The following EPHA5 variants were observed in gnomAD, a reference collection of about 807,000 sequenced individuals.
EPHA5 encodes the protein EPH receptor A5.
Under a neutral mutation model 105.0 loss-of-function variants are expected in EPHA5, and 60 were observed. The ratio of observed to expected loss-of-function variants is 0.57; its 90% CI spans 0.46 to 0.71. The LOEUF is 0.71. EPHA5 is among the 30% of genes least tolerant of loss of function. The probability of loss-of-function intolerance (pLI) is 0.00; values close to 1 mark genes in which losing one functional copy is unlikely to be tolerated. For synonymous variants in EPHA5, 513 were observed against 449.1 expected, an observed-to-expected ratio of 1.14 and a Z score of -1.80; for missense variants, 1,218 against 1,274.7, an observed-to-expected ratio of 0.96 and a Z score of 0.68.
intron 5 of EPHA5, among the ~76,000 whole-genome samples, chr4:65,465,431 C>T (rs78363454): frequency 0.21 from 18,235 of 85,694 alleles, 1,953 homozygotes; most frequent in East Asian, 0.49. Context: ...ATCCCCCCAC[C>T]CCTCTAAAGA....
At chr4:65,623,170 C>A (rs75220551) in intron 2 of EPHA5, among the ~76,000 whole-genome samples, 3,061 of 152,026 alleles carry the variant, frequency 0.02, 47 homozygotes, top group Non-Finnish European at 0.032. Flanking sequence ...TGGGTTAGTA[C>A]ACTATAAATC....
chr4:65,547,646 T>G (rs1737511788), intron 3 of EPHA5, among the ~76,000 whole-genome samples: 1 of 152,088 alleles, frequency 6.6e-6, no homozygotes, highest in Admixed American at 6.6e-5. Context: ...AAAACCAGGT[T>G]GAAACATTTA....
chr4:65,501,893 AG>A (rs1471645478), intron 3 of EPHA5, among the ~76,000 whole-genome samples: 1 of 151,818 alleles, frequency 6.6e-6, no homozygotes, highest in East Asian at 1.9e-4. Context: ...CGGTACTGGT[AG>A]AAAAACAGAC....
At chr4:65,664,453 C>G (rs1168779630) in intron 1 of EPHA5, among the ~76,000 whole-genome samples, 2 of 151,852 alleles carry the variant, frequency 1.3e-5, no homozygotes, top group Non-Finnish European at 3.0e-5. Context: ...TCTGTGTTTA[C>G]AAAGCCTTCA....
At chr4:65,545,457 C>T (rs915017879) in intron 3 of EPHA5, among the ~76,000 whole-genome samples, 2 of 151,804 alleles carry the variant, frequency 1.3e-5, no homozygotes, top group East Asian at 1.9e-4. Flanking sequence ...ACTTGTGATG[C>T]CAAGTTTTGA....
chr4:65,641,640 A>G (rs1484602370), intron 2 of EPHA5, among the ~76,000 whole-genome samples: 2 of 152,128 alleles, frequency 1.3e-5, no homozygotes, highest in African/African-American at 4.8e-5. Flanking sequence ...AATACAAAAC[A>G]TAACACCTGA....
intron 1 of EPHA5, among the ~76,000 whole-genome samples, chr4:65,658,964 A>G (rs1749304452): frequency 6.6e-6 from 1 of 152,094 alleles, no homozygotes. Flanking sequence ...TATATGCTAC[A>G]AAATATTGAT....
chr4:65,506,693 T>A (rs1161181596), intron 3 of EPHA5, among the ~76,000 whole-genome samples: 1 of 150,910 alleles, frequency 6.6e-6, no homozygotes, highest in African/African-American at 2.4e-5. Context: ...TCTGTTCATA[T>A]CCTTCGCCCG....
chr4:65,331,172 A>G (rs1720577856), intron 16 of EPHA5: 1 of 1,029,232 alleles, frequency 9.7e-7, no homozygotes, highest in Admixed American at 5.6e-5. Context: ...GTAAGTTATC[A>G]TTATATTCAC....
At chr4:65,541,911 C>T (rs949179581) in intron 3 of EPHA5, among the ~76,000 whole-genome samples, 5 of 151,856 alleles carry the variant, frequency 3.3e-5, no homozygotes, top group African/African-American at 7.2e-5. Flanking sequence ...ACAATGCAAT[C>T]GAATTAGAGT....
intron 2 of EPHA5, among the ~76,000 whole-genome samples, chr4:65,619,834 A>G (rs971971047): frequency 3.3e-5 from 5 of 151,940 alleles, no homozygotes; most frequent in South Asian, 2.1e-4. Flanking sequence ...GAATTTTTAC[A>G]TGTAAAATCT....
At chr4:65,573,426 A>AT in intron 3 of EPHA5, 4 of 964,664 alleles carry the variant, frequency 4.1e-6, no homozygotes, top group African/African-American at 1.8e-5. Context: ...AAAAAAAAAA[A>AT]AAAAAAAAAG....
intron 2 of EPHA5, among the ~76,000 whole-genome samples, chr4:65,611,148 T>G (rs1382010478): frequency 6.6e-6 from 1 of 152,156 alleles, no homozygotes; most frequent in African/African-American, 2.4e-5. Flanking sequence ...AACACATATA[T>G]GCACACATGG....
At chr4:65,348,659 G>GGTATATATATATAT (rs1311162748) in intron 13 of EPHA5, among the ~76,000 whole-genome samples, 2 of 60,228 alleles carry the variant, frequency 3.3e-5, no homozygotes, top group Non-Finnish European at 6.6e-5. Flanking sequence ...AAACATTGGA[G>GGTATATATATATAT]ATATATATAT....
intron 3 of EPHA5, among the ~76,000 whole-genome samples, chr4:65,590,737 C>T (rs974272968): frequency 1.3e-5 from 2 of 152,120 alleles, no homozygotes; most frequent in African/African-American, 2.4e-5. Flanking sequence ...GTAGATTCCT[C>T]AAGGTTAACC....
chr4:65,592,207 A>G (rs531972184), intron 3 of EPHA5, among the ~76,000 whole-genome samples: 1 of 152,288 alleles, frequency 6.6e-6, no homozygotes, highest in African/African-American at 2.4e-5. Flanking sequence ...CGTTCCTGTT[A>G]TGTTTTGTTT....
In EPHA5 at chr4:65,566,326, G is replaced by A. The variant is rs2149366019; in HGVS notation, c.910+35315C>T. Among the ~76,000 whole-genome samples, 3 of 151,640 alleles carry A rather than the reference G, an allele frequency of 2.0e-5. No individual in the cohort carries two copies. The Middle Eastern group carries it at 0.01, about 516-fold the overall frequency. On this transcript the variant is annotated intron_variant, in intron 3 of 16. Coordinates refer to ENST00000613740, the MANE Select transcript of EPHA5 (RefSeq NM_001281766.3). ...GTAGATGTGTATAGATATTTTGTAG[G>A]GAACCACTTAATATTCTTCATATCC... is the stretch of plus-strand genomic sequence containing the variant.
At chr4:65,438,086 A>G (rs1725655942) in intron 5 of EPHA5, among the ~76,000 whole-genome samples, 1 of 151,990 alleles carries the variant, frequency 6.6e-6, no homozygotes, top group African/African-American at 2.4e-5. Flanking sequence ...GAGGGAGCCT[A>G]TCATGTGCCA....
intron 3 of EPHA5, among the ~76,000 whole-genome samples, chr4:65,531,925 CAAAAGACTGTTGTATTA>C (rs1318000638): frequency 1.3e-5 from 2 of 152,260 alleles, no homozygotes; most frequent in East Asian, 3.9e-4. Flanking sequence ...AAGCCTATCT[CAAAAGACTGTTGTATTA>C]AATAAGGCCA....
Sources: gnomAD v4.1 joint callset for allele counts (sites outside exome capture counted in the v4.1 genomes callset) on GRCh38, gnomAD v4.1.1 for gene constraint, MANE v1.5 for transcripts, NCBI Gene and HGNC (gene_info 2026-07-23, HGNC 2026-07-21) for gene names.